Variants in LSS observed in about 807,000 individuals in gnomAD.
The protein encoded by LSS is lanosterol synthase.
LSS carries 90 observed loss-of-function variants against 110.3 expected under a neutral mutation model. That is an observed-to-expected ratio of 0.82 (90% CI 0.69 to 0.97). LSS has a LOEUF of 0.97. Among genes scored for constraint, LSS ranks in the 50% least tolerant of loss-of-function variants. The pLI, the probability that LSS is intolerant of heterozygous loss-of-function variation, is 0.00. For missense variants in LSS, 927 were observed against 990.0 expected (o/e 0.94, Z 0.85); for synonymous variants, 433 against 400.0 (o/e 1.08, Z -0.98).
At chr21:46,205,269 C>T (rs889887212) in intron 17 of LSS, among the ~76,000 whole-genome samples, 1 of 148,892 alleles carries the variant, frequency 6.7e-6, no homozygotes, top group Non-Finnish European at 1.5e-5. Context: ...TGCTGTTACC[C>T]GAGCCACCTG....
Position 46,209,504 on chromosome 21 carries a change from G to A in LSS, c.1266+50C>T, listed in dbSNP as rs1305820378. ...GCACTTCTGCCTGCAGGAGCTCCCA[G>A]CCCTGATCCCCCTCTTCAGCCCCCT... On this transcript the variant is annotated intron_variant, in intron 13 of 21. Coordinates refer to ENST00000397728, the MANE Select transcript of LSS (RefSeq NM_002340.6). The surrounding 1 kb of genome is among the most constrained non-coding windows in gnomAD (Gnocchi z 4.4). 3 of 1,531,624 alleles carry A rather than the reference G, an allele frequency of 2.0e-6. No homozygotes were observed. Among genetic ancestry groups the A allele is most frequent in the Admixed American group, 2.0e-5 (1 of 50,848 alleles). The allele number at this position is 1,531,624 out of a possible 1,614,324, so 94.9% of individuals were successfully genotyped here. A position where few individuals can be genotyped will look rare whatever the true frequency, so the allele number is the denominator to read the frequency against.
Position 46,194,529 on chromosome 21 carries a change from A to G in LSS, c.1950T>C (p.His650=), listed in dbSNP as rs2254522. The stretch of plus-strand genomic sequence containing the variant: ...GCCCCATCATGGCCCAGCATGTGTT[A>G]TGGATCTGGGACTGGGCACTCTGCA... ...RYLQSAQSQI[H]NTCWAMMGLM... is the part of the protein sequence containing the mutation. Residue 650 remains histidine, a synonymous_variant, in exon 20 of 22, where the codon CAT becomes CAC. Transcript: ENST00000397728. The G allele has an allele frequency of 0.22, 353,049 of 1,613,500 alleles. 44,346 individuals carry two copies. Among genetic ancestry groups the G allele is most frequent in the East Asian group, 0.62 (27,775 of 44,842 alleles).
In LSS at chr21:46,210,640, T is replaced by C. The variant is rs369552703; in HGVS notation, c.1194+48A>G. The C allele has an allele frequency of 1.4e-5, 23 of 1,596,640 alleles. No individual in the cohort carries two copies. The African/African-American group carries it at 2.4e-4, about 17-fold the overall frequency. On this transcript the variant is annotated intron_variant, in intron 12 of 21. Transcript: ENST00000397728. ...CCTCAGGTGGATGCGTGGGCTCACG[T>C]GCACAGGAAGGTCAGCTGAGGCTGA...
chr21:46,215,033 C>T, intron 9 of LSS, 147 bp downstream of exon 9: 1 of 700,386 alleles, frequency 1.4e-6, no homozygotes, highest in Admixed American at 2.2e-5. Flanking sequence ...CCCTCAGACA[C>T]TTGTGCGATC....
intron 2 of LSS, among the ~76,000 whole-genome samples, 186 bp from the exon 3 acceptor site, chr21:46,227,876 C>A (rs2080368337): frequency 6.6e-6 from 1 of 152,234 alleles, no homozygotes; most frequent in African/African-American, 2.4e-5. Context: ...AGTAAAAGAA[C>A]AGCTGCACAT....
At chr21:46,214,788 G>A (rs943160199) in intron 9 of LSS, among the ~76,000 whole-genome samples, 3 of 152,178 alleles carry the variant, frequency 2.0e-5, no homozygotes, top group Non-Finnish European at 2.9e-5. Flanking sequence ...CCCACCCTGG[G>A]CATGTCTAAA....
At chr21:46,215,006 G>A (rs1469199215) in intron 9 of LSS, among the ~76,000 whole-genome samples, 174 bp downstream of exon 9, 1 of 152,050 alleles carries the variant, frequency 6.6e-6, no homozygotes, top group Non-Finnish European at 1.5e-5. Flanking sequence ...TGGGCGTGCA[G>A]GGGTCCAGGA....
chr21:46,199,479 C>G (rs140096555), intron 17 of LSS, among the ~76,000 whole-genome samples: 23 of 152,340 alleles, frequency 1.5e-4, no homozygotes, highest in Non-Finnish European at 2.9e-4. Context: ...TAAACACACT[C>G]TTACCATAGG....
Position 46,223,280 on chromosome 21 carries a change from C to G in LSS, c.320-542G>C, listed in dbSNP as rs370196365. Among the ~76,000 whole-genome samples, 9 of 152,296 alleles carry G rather than the reference C, an allele frequency of 5.9e-5. No individual in the cohort carries two copies. In the Middle Eastern group the frequency reaches 0.014, roughly 230 times the overall value. ...GGGAGGCAGAGACAATAAATATTAT[C>G]CACTAAGAACCTTCCGTCCCCAGCC... On this transcript the variant is annotated intron_variant, in intron 3 of 21. Transcript: ENST00000397728.
intron 11 of LSS, among the ~76,000 whole-genome samples, chr21:46,211,369 T>C (rs2080131638): frequency 6.6e-6 from 1 of 152,162 alleles, no homozygotes; most frequent in African/African-American, 2.4e-5. Flanking sequence ...GACCTTGTGA[T>C]CCGCCCACCT....
intron 4 of LSS, 137 bp from the exon 5 acceptor site, chr21:46,222,112 A>C: frequency 1.1e-6 from 1 of 889,530 alleles, no homozygotes; most frequent in Non-Finnish European, 1.7e-6. Context: ...CCAACACAGG[A>C]GACCCCTGAG....
At chr21:46,228,413 C>G in intron 2 of LSS, 21 bp downstream of exon 2, 1 of 1,598,902 alleles carries the variant, frequency 6.3e-7, no homozygotes, top group South Asian at 1.1e-5. Flanking sequence ...AGCTCGCTGA[C>G]GCTCCGCGGA....
chr21:46,221,066 A>G (rs35679325), intron 5 of LSS, among the ~76,000 whole-genome samples: 73,032 of 139,230 alleles, frequency 0.52, 19,894 homozygotes, highest in East Asian at 0.69. Context: ...GGCTTGGAGA[A>G]GTAGACAGTT....
intron 3 of LSS, 110 bp downstream of exon 3, chr21:46,227,442 G>A (rs1000300290): frequency 7.3e-7 from 1 of 1,375,436 alleles, no homozygotes; most frequent in Non-Finnish European, 9.8e-7. Flanking sequence ...CTTTTCTTGT[G>A]AGCCCCTGGA....
chr21:46,221,288 A>G (rs1176890126), intron 5 of LSS, among the ~76,000 whole-genome samples: 1 of 152,186 alleles, frequency 6.6e-6, no homozygotes, highest in African/African-American at 2.4e-5. Context: ...AGGTGGACAT[A>G]TTAACACGGT....
chr21:46,216,790 G>A lies in LSS; in HGVS notation c.648-266C>T, dbSNP rs1437937032. On this transcript the variant is annotated intron_variant, in intron 6 of 21. Transcript: ENST00000397728. This position sits in a 1 kb window ranked among gnomAD's most constrained non-coding sequence, Gnocchi z 4.2. ...ATGGAGCTCCTAAATGCTTAGGATT[G>A]TCCGTGGGTTTCTTAGCTACAACAA... Among the ~76,000 whole-genome samples, 2 of 152,164 alleles carry A rather than the reference G, an allele frequency of 1.3e-5. No individual in the cohort carries two copies. The highest frequency in any genetic ancestry group is 2.9e-5 in the Non-Finnish European group (2 of 68,030).
At chr21:46,191,400 G>A (rs1569013822) in intron 21 of LSS, among the ~76,000 whole-genome samples, 165 bp from the exon 22 acceptor site, 2 of 152,148 alleles carry the variant, frequency 1.3e-5, no homozygotes, top group Non-Finnish European at 2.9e-5. Flanking sequence ...TCCCGCATCA[G>A]TCATGGCACC....
Position 46,200,734 on chromosome 21 carries a change from A to G in LSS, c.1671-4467T>C, listed in dbSNP as rs531036954. On this transcript the variant is annotated intron_variant, in intron 17 of 21. Coordinates refer to ENST00000397728, the MANE Select transcript of LSS (RefSeq NM_002340.6). ...CAGTGAGAAGGGTAAGGAAAACAGA[A>G]AAAGAAAAGAAAAATAATTAAAAAT... Among the ~76,000 whole-genome samples, 46 of 152,366 alleles carry G rather than the reference A, an allele frequency of 3.0e-4. 2 individuals carry two copies. The South Asian group carries it at 8.9e-3, about 29-fold the overall frequency.
Position 46,227,825 on chromosome 21 carries a change from A to G in LSS, c.181-135T>C, listed in dbSNP as rs2080367162. ...TTAAAAGTTTCAGCTGTTTCCATCAAAAGTCTGAAACTCTTTGATGAGAGC... is the reference window on the plus strand; with the variant it reads ...TTAAAAGTTTCAGCTGTTTCCATCAGAAGTCTGAAACTCTTTGATGAGAGC... On this transcript the variant is annotated intron_variant, in intron 2 of 21. Coordinates refer to ENST00000397728, the MANE Select transcript of LSS (RefSeq NM_002340.6). 3 of 1,012,548 alleles carry G rather than the reference A, an allele frequency of 3.0e-6. No individual in the cohort carries two copies. In the East Asian group the frequency reaches 7.5e-5, roughly 25 times the overall value. The allele number at this position is 1,012,548 out of a possible 1,614,324, so 62.7% of individuals were successfully genotyped here. A position where few individuals can be genotyped will look rare whatever the true frequency, so the allele number is the denominator to read the frequency against.
Sources: gnomAD v4.1 joint callset for allele counts (sites outside exome capture counted in the v4.1 genomes callset) on GRCh38, gnomAD v4.1.1 for gene constraint, Gnocchi (gnomAD v3.1) non-coding constraint, MANE v1.5 for transcripts, NCBI Gene and HGNC (gene_info 2026-07-23, HGNC 2026-07-21) for gene names.